PARD3B: variants seen among roughly 807,000 people sequenced by gnomAD.
The protein encoded by PARD3B is partitioning defective 3 homolog B.
In PARD3B, 103 loss-of-function variants were observed where a neutral mutation model predicts 130.2. The observed-to-expected ratio is 0.79, with a 90% CI of 0.67 to 0.93. The LOEUF is 0.93. Among genes scored for constraint, PARD3B ranks in the 40% least tolerant of loss-of-function variants. PARD3B has a pLI of 0.00. For missense variants in PARD3B, 1,609 were observed against 1,499.2 expected, an observed-to-expected ratio of 1.07 and a Z score of -1.21; for synonymous variants, 583 against 553.2, an observed-to-expected ratio of 1.05 and a Z score of -0.76.
chr2:204,589,322 C>T (rs1406812218), intron 1 of PARD3B, among the ~76,000 whole-genome samples: 1 of 152,160 alleles, frequency 6.6e-6, no homozygotes, highest in Non-Finnish European at 1.5e-5. Flanking sequence ...TCTGATGGAA[C>T]AGTATTCATG....
At chr2:205,238,444 A>AT (rs969587936) in intron 15 of PARD3B, among the ~76,000 whole-genome samples, 7 of 152,094 alleles carry the variant, frequency 4.6e-5, no homozygotes, top group Non-Finnish European at 8.8e-5. Flanking sequence ...CTGTCTCTAA[A>AT]TTTTTTTAAT....
Position 205,618,655 on chromosome 2 carries a change from C to T in PARD3B, c.*2842C>T, listed in dbSNP as rs1215024227. 6.6e-6 allele frequency: 1 copy of T among 152,190 alleles called. No homozygotes were observed. Among genetic ancestry groups the T allele is most frequent in the Non-Finnish European group, 1.5e-5 (1 of 68,034 alleles). The allele number at this position is 152,190 out of a possible 1,614,324, so 9.4% of individuals were successfully genotyped here. A position where few individuals can be genotyped will look rare whatever the true frequency, so the allele number is the denominator to read the frequency against. On this transcript the variant is annotated 3_prime_UTR_variant, in exon 23 of 23. Transcript: ENST00000406610. Reference sequence around the variant, plus strand: ...TGAAATGATGTTTGCCCTCAAGTCACTAGATATTTTAAGAAGCCCTATTTT... The same window carrying T: ...TGAAATGATGTTTGCCCTCAAGTCATTAGATATTTTAAGAAGCCCTATTTT...
At chr2:204,948,227 G>A (rs898167920) in intron 2 of PARD3B, among the ~76,000 whole-genome samples, 33 of 152,264 alleles carry the variant, frequency 2.2e-4, no homozygotes, top group Non-Finnish European at 4.7e-4. Context: ...GCCTTCCATG[G>A]TCACAGACCA....
chr2:204,757,035 TAA>T (rs1164638041), intron 2 of PARD3B, among the ~76,000 whole-genome samples: 1 of 152,192 alleles, frequency 6.6e-6, no homozygotes, highest in Non-Finnish European at 1.5e-5. Flanking sequence ...GTTTCTGCAT[TAA>T]TTTGCTTAGG....
chr2:204,848,158 T>C (rs888130043), intron 2 of PARD3B, among the ~76,000 whole-genome samples: 2 of 152,208 alleles, frequency 1.3e-5, no homozygotes, highest in Non-Finnish European at 2.9e-5. Flanking sequence ...ATAAAGTTTA[T>C]AAGTTAAACT....
At chr2:204,800,132 G>A (rs1376052498) in intron 2 of PARD3B, among the ~76,000 whole-genome samples, 2 of 152,168 alleles carry the variant, frequency 1.3e-5, no homozygotes, top group African/African-American at 4.8e-5. Context: ...ATTGAGGATA[G>A]CACAGAGAAG....
intron 18 of PARD3B, among the ~76,000 whole-genome samples, chr2:205,387,180 TC>T (rs1232383517): frequency 1.3e-5 from 2 of 152,150 alleles, no homozygotes; most frequent in Non-Finnish European, 2.9e-5. Flanking sequence ...CACTTATGAA[TC>T]CCCTTGAAAA....
intron 15 of PARD3B, among the ~76,000 whole-genome samples, chr2:205,227,653 G>T (rs2038629744): frequency 6.6e-6 from 1 of 151,888 alleles, no homozygotes; most frequent in Admixed American, 6.6e-5. Context: ...TGTGTCTATT[G>T]ATTAGAGAAT....
At position 205,230,630 on chromosome 2, in the gene PARD3B, G is replaced by A. The variant is rs957717350; in HGVS notation, c.2141-15148G>A. 6.6e-6 allele frequency among the ~76,000 whole-genome samples: 1 copy of A among 152,094 alleles called. No individual in the cohort carries two copies. Among genetic ancestry groups the A allele is most frequent in the African/African-American group, 2.4e-5 (1 of 41,410 alleles). On this transcript the variant is annotated intron_variant, in intron 15 of 22. Coordinates refer to ENST00000406610, the MANE Select transcript of PARD3B (RefSeq NM_001302769.2). The surrounding 1 kb of genome is among the most constrained non-coding windows in gnomAD (Gnocchi z 4.1). ...GAGTGGTGCAAGCACTGCATTAGCC[G>A]CCCAACGGCTGTCTCACTAGGTTAT...
intron 2 of PARD3B, among the ~76,000 whole-genome samples, chr2:204,832,255 A>T (rs890141113): frequency 3.9e-5 from 6 of 152,206 alleles, no homozygotes; most frequent in Admixed American, 3.9e-4. Flanking sequence ...AAAAACAAAA[A>T]AAAAAGCTAT....
At chr2:204,792,830 C>G (rs555512235) in intron 2 of PARD3B, among the ~76,000 whole-genome samples, 3 of 152,050 alleles carry the variant, frequency 2.0e-5, no homozygotes, top group African/African-American at 7.2e-5. Flanking sequence ...ATGTCTTCTG[C>G]GCAAATTGCT....
chr2:205,506,557 G>A (rs1246215130), intron 21 of PARD3B, among the ~76,000 whole-genome samples: 1 of 152,158 alleles, frequency 6.6e-6, no homozygotes, highest in Admixed American at 6.5e-5. Flanking sequence ...CACACTTGGA[G>A]GAAAGAGAAA....
At chr2:204,998,001 A>T (rs963580486) in intron 3 of PARD3B, among the ~76,000 whole-genome samples, 1 of 149,822 alleles carries the variant, frequency 6.7e-6, no homozygotes, top group African/African-American at 2.4e-5. Flanking sequence ...TATAATCAAT[A>T]TTGAAAAGTT....
intron 18 of PARD3B, among the ~76,000 whole-genome samples, chr2:205,398,175 C>A (rs2046099441): frequency 6.6e-6 from 1 of 152,008 alleles, no homozygotes; most frequent in African/African-American, 2.4e-5. Flanking sequence ...GTGGTGGGCA[C>A]CTGTAATCTC....
chr2:205,533,721 G>T (rs80128858), intron 21 of PARD3B, among the ~76,000 whole-genome samples: 3,562 of 151,730 alleles, frequency 0.023, 135 homozygotes, highest in African/African-American at 0.08. Flanking sequence ...TGGTTTTGGG[G>T]GTTTTTTGTT....
chr2:205,490,018 A>G (rs906190378), intron 20 of PARD3B, among the ~76,000 whole-genome samples: 2 of 152,164 alleles, frequency 1.3e-5, no homozygotes, highest in Non-Finnish European at 1.5e-5. Flanking sequence ...TCGTGAATCA[A>G]TGGATTACTT....
At chr2:204,747,113 C>T (rs2040267376) in intron 2 of PARD3B, among the ~76,000 whole-genome samples, 1 of 152,038 alleles carries the variant, frequency 6.6e-6, no homozygotes, top group Admixed American at 6.6e-5. Flanking sequence ...GGTTTTAGGT[C>T]TAACGTTTAA....
chr2:204,729,941 A>G (rs985150961), intron 2 of PARD3B, among the ~76,000 whole-genome samples: 3 of 151,240 alleles, frequency 2.0e-5, no homozygotes, highest in African/African-American at 4.9e-5. Flanking sequence ...CCTTTTTTGT[A>G]TCTTTATGTA....
intron 18 of PARD3B, among the ~76,000 whole-genome samples, chr2:205,353,373 A>G (rs2105851782): frequency 6.6e-6 from 1 of 152,276 alleles, no homozygotes; most frequent in East Asian, 1.9e-4. Context: ...ATATCAAAAT[A>G]TGCTATCTAC....
Sources: allele counts gnomAD v4.1 joint callset (sites outside exome capture counted in the v4.1 genomes callset), GRCh38; gene constraint gnomAD v4.1.1; non-coding constraint Gnocchi (gnomAD v3.1); transcripts MANE v1.5; gene names NCBI Gene and HGNC (gene_info 2026-07-23, HGNC 2026-07-21).